GLIS3: variants seen among roughly 807,000 people sequenced by gnomAD.
GLIS3 encodes the protein GLIS family zinc finger 3.
Under a neutral mutation model 78.6 loss-of-function variants are expected in GLIS3, and 53 were observed. The ratio of observed to expected loss-of-function variants is 0.67; its 90% CI spans 0.54 to 0.85. The LOEUF (loss-of-function observed/expected upper bound fraction) is 0.85, where lower values mean the gene tolerates loss of function less well. GLIS3 is among the 40% of genes least tolerant of loss of function. GLIS3 has a pLI of 0.00. For missense variants in GLIS3, 1,703 were observed against 1,231.1 expected (o/e 1.38, Z -5.74); for synonymous variants, 684 against 509.9 (o/e 1.34, Z -4.60).
At chr9:3,957,178 A>G (rs1817174104) in intron 4 of GLIS3, among the ~76,000 whole-genome samples, 2 of 152,214 alleles carry the variant, frequency 1.3e-5, no homozygotes, top group Admixed American at 1.3e-4. Flanking sequence ...CAAATGGAAA[A>G]GCAGGATAAA....
In GLIS3 at chr9:3,928,662, A is replaced by C. The variant is rs188458692; in HGVS notation, c.1983+3698T>G. ...CCCTAATTTTGCCAGAAAGCAATAC[A>C]GAGCTGTTCTCTACGTAGGACATAT... is the stretch of plus-strand genomic sequence containing the variant. On this transcript the variant is annotated intron_variant, in intron 6 of 10. Coordinates refer to ENST00000381971, the MANE Select transcript of GLIS3 (RefSeq NM_001042413.2). 1.9e-3 allele frequency among the ~76,000 whole-genome samples: 290 copies of C among 152,342 alleles called. 1 individual carries two copies. The highest frequency in any genetic ancestry group is 6.9e-3 in the African/African-American group (285 of 41,580).
At chr9:3,982,163 T>G (rs538561) in intron 4 of GLIS3, among the ~76,000 whole-genome samples, 87,196 of 151,896 alleles carry the variant, frequency 0.57, 25,116 homozygotes, top group Non-Finnish European at 0.61. Context: ...AAGTTTTTCT[T>G]TCCCATGATT....
chr9:4,031,752 G>A (rs1299380227), intron 4 of GLIS3, among the ~76,000 whole-genome samples: 1 of 152,192 alleles, frequency 6.6e-6, no homozygotes, highest in African/African-American at 2.4e-5. Context: ...AAAGTATAAA[G>A]GTGATGATGG....
intron 2 of GLIS3, among the ~76,000 whole-genome samples, chr9:4,167,074 T>C (rs1815923712): frequency 6.6e-6 from 1 of 151,726 alleles, no homozygotes; most frequent in Non-Finnish European, 1.5e-5. Context: ...GTAAAATCAG[T>C]TCATTTGGAT....
chr9:4,022,030 T>C (rs1010126359), intron 4 of GLIS3, among the ~76,000 whole-genome samples: 1 of 152,198 alleles, frequency 6.6e-6, no homozygotes, highest in Admixed American at 6.5e-5. Context: ...ACTTCTCAGA[T>C]GGTTTAATCA....
intron 2 of GLIS3, among the ~76,000 whole-genome samples, chr9:4,235,312 A>AAAG (rs1554629693): frequency 6.6e-6 from 1 of 151,556 alleles, no homozygotes; most frequent in Non-Finnish European, 1.5e-5. Context: ...AAAAAAAAAA[A>AAAG]AAAACTGATG....
At chr9:3,940,712 C>T (rs1266832636) in intron 4 of GLIS3, among the ~76,000 whole-genome samples, 2 of 152,136 alleles carry the variant, frequency 1.3e-5, no homozygotes, top group East Asian at 3.9e-4. Context: ...ACAAGGGAGA[C>T]AAACGCAGGG....
chr9:4,081,792 C>T (rs865879046), intron 4 of GLIS3, among the ~76,000 whole-genome samples: 1 of 152,154 alleles, frequency 6.6e-6, no homozygotes, highest in Non-Finnish European at 1.5e-5. Context: ...AATTAGCCAC[C>T]ATAATTTCCC....
intron 4 of GLIS3, among the ~76,000 whole-genome samples, chr9:4,068,203 G>A (rs914940355): frequency 6.6e-6 from 1 of 152,004 alleles, no homozygotes; most frequent in South Asian, 2.1e-4. Context: ...TTTAAAAACC[G>A]TTTTTATTTA....
intron 4 of GLIS3, among the ~76,000 whole-genome samples, chr9:4,029,664 G>A (rs779517881): frequency 3.4e-5 from 5 of 148,942 alleles, no homozygotes; most frequent in Non-Finnish European, 5.9e-5. Flanking sequence ...GGGCTCAATT[G>A]TATTGATTTT....
At chr9:4,004,433 G>T (rs180895488) in intron 4 of GLIS3, among the ~76,000 whole-genome samples, 1 of 152,302 alleles carries the variant, frequency 6.6e-6, no homozygotes, top group Admixed American at 6.5e-5. Flanking sequence ...TGATGATGAG[G>T]CTGGGGAACG....
chr9:3,876,657 AAAGAG>A (rs771742025), intron 8 of GLIS3, among the ~76,000 whole-genome samples: 1,148 of 51,130 alleles, frequency 0.022, 44 homozygotes, highest in Non-Finnish European at 0.031. Context: ...AGAGAGAGAG[AAAGAG>A]AGAGAGAAAG....
intron 2 of GLIS3, among the ~76,000 whole-genome samples, chr9:4,258,165 T>C (rs931565645): frequency 6.6e-5 from 10 of 152,160 alleles, no homozygotes; most frequent in Non-Finnish European, 1.3e-4. Flanking sequence ...TGAAAAAAAA[T>C]ACGTCTTTTT....
chr9:3,846,811 A>G, intron 9 of GLIS3, among the ~76,000 whole-genome samples: 1 of 152,178 alleles, frequency 6.6e-6, no homozygotes, highest in Non-Finnish European at 1.5e-5. Flanking sequence ...AGTTTACCTC[A>G]ATGTGTAAGT....
At chr9:4,010,973 A>T (rs554812471) in intron 4 of GLIS3, among the ~76,000 whole-genome samples, 3 of 152,152 alleles carry the variant, frequency 2.0e-5, no homozygotes, top group South Asian at 2.1e-4. Flanking sequence ...ATTTATTTTT[A>T]AAAAATTGCA....
intron 2 of GLIS3, among the ~76,000 whole-genome samples, chr9:4,129,287 C>T (rs762471274): frequency 3.3e-5 from 5 of 152,186 alleles, no homozygotes; most frequent in East Asian, 1.9e-4. Context: ...ATTTTTGTGC[C>T]GTATTTCTCC....
At chr9:4,051,043 C>A in intron 4 of GLIS3, among the ~76,000 whole-genome samples, 1 of 152,198 alleles carries the variant, frequency 6.6e-6, no homozygotes, top group East Asian at 1.9e-4. Flanking sequence ...TACTAAGGCA[C>A]ATGTTTCAGA....
chr9:3,917,589 A>G (rs939143636), intron 6 of GLIS3, among the ~76,000 whole-genome samples: 1 of 149,648 alleles, frequency 6.7e-6, no homozygotes, highest in Non-Finnish European at 1.5e-5. Flanking sequence ...CTAAAACACT[A>G]CTCCATCCAT....
chr9:4,043,055 G>T (rs1824956161), intron 4 of GLIS3, among the ~76,000 whole-genome samples: 1 of 151,946 alleles, frequency 6.6e-6, no homozygotes, highest in Non-Finnish European at 1.5e-5. Context: ...ACCCAAAATG[G>T]TTTTTCTCCC....
Sources: allele counts gnomAD v4.1 joint callset (sites outside exome capture counted in the v4.1 genomes callset), GRCh38; gene constraint gnomAD v4.1.1; transcripts MANE v1.5; gene names NCBI Gene and HGNC (gene_info 2026-07-23, HGNC 2026-07-21).